LRP1B: variants seen among roughly 807,000 people sequenced by gnomAD.
LRP1B encodes LDL receptor related protein 1B, also known as low-density lipoprotein receptor-related protein 1B.
LRP1B carries 217 observed loss-of-function variants against 556.6 expected under a neutral mutation model. The observed-to-expected ratio is 0.39, with a 90% CI of 0.35 to 0.44. The LOEUF (loss-of-function observed/expected upper bound fraction) is 0.44. Among genes scored for constraint, LRP1B ranks in the 20% least tolerant of loss-of-function variants. LRP1B has a pLI of 1.00. For missense variants in LRP1B, 5,053 were observed against 5,620.8 expected, an observed-to-expected ratio of 0.90 and a Z score of 3.23; for synonymous variants, 2,047 against 1,865.8, an observed-to-expected ratio of 1.10 and a Z score of -2.50.
chr2:140,862,113 T>C (rs1479454367), intron 27 of LRP1B, among the ~76,000 whole-genome samples: 1 of 152,296 alleles, frequency 6.6e-6, no homozygotes, highest in Non-Finnish European at 1.5e-5. Flanking sequence ...GCTTCCTTCC[T>C]TTTTAGCCTT....
intron 32 of LRP1B, among the ~76,000 whole-genome samples, chr2:140,806,196 G>T (rs549674284): frequency 6.6e-6 from 1 of 152,132 alleles, no homozygotes; most frequent in South Asian, 2.1e-4. Flanking sequence ...CCAGCCTCCA[G>T]AACTGTGAGA....
chr2:141,206,204 C>G (rs1043598367), intron 6 of LRP1B, among the ~76,000 whole-genome samples: 4 of 152,022 alleles, frequency 2.6e-5, no homozygotes, highest in Admixed American at 2.6e-4. Context: ...TTTTAAGATT[C>G]CCAAAAGACG....
chr2:141,341,411 C>T (rs1178987253), intron 3 of LRP1B, among the ~76,000 whole-genome samples: 1 of 152,164 alleles, frequency 6.6e-6, no homozygotes, highest in African/African-American at 2.4e-5. Context: ...TCCAGTTCCT[C>T]CTCATTAAAG....
intron 2 of LRP1B, among the ~76,000 whole-genome samples, chr2:141,643,283 C>T (rs368000568): frequency 7.2e-5 from 11 of 152,112 alleles, no homozygotes; most frequent in African/African-American, 2.4e-4. Context: ...AAGCACCCTC[C>T]TCAGTCTACA....
At chr2:140,315,219 C>G (rs1684469551) in intron 82 of LRP1B, 120 bp from the exon 83 acceptor site, 5 of 644,950 alleles carry the variant, frequency 7.8e-6, no homozygotes, top group Non-Finnish European at 1.2e-5. Flanking sequence ...TAATTAACCC[C>G]AAGTACAAAA....
chr2:140,455,092 AT>A (rs1687042537), intron 62 of LRP1B, among the ~76,000 whole-genome samples: 2 of 152,310 alleles, frequency 1.3e-5, no homozygotes, highest in South Asian at 4.1e-4. Flanking sequence ...TAATAATTCT[AT>A]TTTAAAATAT....
At chr2:141,290,450 G>C (rs989166573) in intron 3 of LRP1B, among the ~76,000 whole-genome samples, 9 of 151,970 alleles carry the variant, frequency 5.9e-5, no homozygotes, top group Non-Finnish European at 1.0e-4. Flanking sequence ...TATGACCATT[G>C]TTCCCTGACT....
intron 1 of LRP1B, among the ~76,000 whole-genome samples, chr2:141,911,159 T>C (rs1287288256): frequency 6.6e-6 from 1 of 152,124 alleles, no homozygotes; most frequent in African/African-American, 2.4e-5. Flanking sequence ...TACTGTTCAT[T>C]ACAGATAGAT....
chr2:140,879,574 T>C (rs1693410779), intron 25 of LRP1B, among the ~76,000 whole-genome samples: 1 of 152,154 alleles, frequency 6.6e-6, no homozygotes, highest in East Asian at 1.9e-4. Context: ...CTGATTTCAA[T>C]GATCATCGTT....
At chr2:141,209,602 G>T (rs1438154427) in intron 6 of LRP1B, among the ~76,000 whole-genome samples, 1 of 152,078 alleles carries the variant, frequency 6.6e-6, no homozygotes, top group East Asian at 1.9e-4. Context: ...CTACAATAAG[G>T]TTATATAACA....
intron 3 of LRP1B, among the ~76,000 whole-genome samples, chr2:141,320,808 C>T (rs1687210879): frequency 1.3e-5 from 2 of 152,196 alleles, no homozygotes; most frequent in East Asian, 3.9e-4. Context: ...CCCAACTACA[C>T]CCACTCCTTC....
At chr2:140,359,545 C>T (rs1433710808) in intron 72 of LRP1B, among the ~76,000 whole-genome samples, 1 of 151,568 alleles carries the variant, frequency 6.6e-6, no homozygotes, top group East Asian at 1.9e-4. Context: ...CATTTGTCTC[C>T]TTATCACTAT....
At chr2:141,219,390 G>T (rs1053943156) in intron 6 of LRP1B, among the ~76,000 whole-genome samples, 2 of 152,192 alleles carry the variant, frequency 1.3e-5, no homozygotes, top group Admixed American at 6.5e-5. Flanking sequence ...ATTGGGCAGG[G>T]CCTCCCTGCA....
chr2:141,743,759 A>AT (rs1279755886), intron 2 of LRP1B, among the ~76,000 whole-genome samples: 3 of 151,732 alleles, frequency 2.0e-5, no homozygotes, highest in East Asian at 1.9e-4. Context: ...GAATTTCTGC[A>AT]TTTTTTCTAG....
intron 51 of LRP1B, among the ~76,000 whole-genome samples, chr2:140,510,599 C>T (rs950075018): frequency 6.6e-6 from 1 of 152,126 alleles, no homozygotes; most frequent in African/African-American, 2.4e-5. Flanking sequence ...AACTGGGAGT[C>T]CTCTGGATCC....
intron 3 of LRP1B, among the ~76,000 whole-genome samples, chr2:141,393,873 C>T (rs1690145720): frequency 6.6e-6 from 1 of 152,072 alleles, no homozygotes; most frequent in Non-Finnish European, 1.5e-5. Context: ...ACGAATATTT[C>T]ATAGTCTTGT....
At chr2:140,731,491 T>C (rs1687774726) in intron 35 of LRP1B, among the ~76,000 whole-genome samples, 1 of 151,994 alleles carries the variant, frequency 6.6e-6, no homozygotes, top group Non-Finnish European at 1.5e-5. Context: ...AAGGTAGTAA[T>C]ATTTTAGATT....
chr2:140,583,765 T>A (rs1681874009), intron 43 of LRP1B, among the ~76,000 whole-genome samples: 1 of 142,800 alleles, frequency 7.0e-6, no homozygotes, highest in African/African-American at 2.5e-5. Flanking sequence ...GCATCTTGAT[T>A]TTTATTTTTT....
chr2:140,484,453 A>C (rs1304252966), intron 59 of LRP1B, among the ~76,000 whole-genome samples: 1 of 152,178 alleles, frequency 6.6e-6, no homozygotes, highest in Non-Finnish European at 1.5e-5. Flanking sequence ...TTTAAATTGC[A>C]GAAAATTTGG....
Sources: gnomAD v4.1 joint callset for allele counts (sites outside exome capture counted in the v4.1 genomes callset) on GRCh38, gnomAD v4.1.1 for gene constraint, MANE v1.5 for transcripts, NCBI Gene and HGNC (gene_info 2026-07-23, HGNC 2026-07-21) for gene names.